Variants in RBFOX1 observed in about 807,000 individuals in gnomAD.
The protein encoded by RBFOX1 is RNA binding fox-1 homolog 1.
In RBFOX1, 8 loss-of-function variants were observed where a neutral mutation model predicts 57.7. That is an observed-to-expected ratio of 0.14 (90% CI 0.08 to 0.25). The LOEUF is 0.25. RBFOX1 is among the 10% of genes least tolerant of loss of function. RBFOX1 has a pLI of 1.00. For synonymous variants in RBFOX1, 326 were observed against 222.4 expected (o/e 1.47, Z -4.15); for missense variants, 611 against 548.5 (o/e 1.11, Z -1.14).
chr16:6,143,108 C>T (rs1414160706), intron 1 of RBFOX1, among the ~76,000 whole-genome samples: 1 of 152,292 alleles, frequency 6.6e-6, no homozygotes, highest in African/African-American at 2.4e-5. Context: ...CCAGTAAGCT[C>T]CACTTACTTC....
intron 3 of RBFOX1, among the ~76,000 whole-genome samples, chr16:5,646,845 G>C (rs1405751461): frequency 2.0e-5 from 3 of 152,050 alleles, no homozygotes; most frequent in African/African-American, 7.2e-5. Context: ...GTGTTAGCCA[G>C]GATGGTCTCA....
At chr16:6,166,690 C>G (rs1382131814) in intron 1 of RBFOX1, among the ~76,000 whole-genome samples, 1 of 152,112 alleles carries the variant, frequency 6.6e-6, no homozygotes, top group Non-Finnish European at 1.5e-5. Flanking sequence ...TATCATAAGC[C>G]CACTTTCACA....
chr16:5,580,279 C>T (rs865804294), intron 2 of RBFOX1, among the ~76,000 whole-genome samples: 5 of 152,160 alleles, frequency 3.3e-5, no homozygotes, highest in Admixed American at 2.0e-4. Flanking sequence ...CTGGGAGCGC[C>T]GGCTGATTGG....
chr16:6,072,773 A>G (rs1044839508), intron 1 of RBFOX1, among the ~76,000 whole-genome samples: 7 of 151,848 alleles, frequency 4.6e-5, no homozygotes, highest in South Asian at 4.2e-4. Context: ...AGTGTTCTTA[A>G]CCACCTCCAT....
chr16:6,050,106 A>G (rs2095537577), intron 1 of RBFOX1, among the ~76,000 whole-genome samples: 1 of 151,908 alleles, frequency 6.6e-6, no homozygotes, highest in Non-Finnish European at 1.5e-5. Flanking sequence ...CTGCAGGTGT[A>G]TGCCACGACG....
At chr16:6,795,347 T>C (rs115590429) in intron 3 of RBFOX1, among the ~76,000 whole-genome samples, 1,614 of 152,228 alleles carry the variant, frequency 0.011, 27 homozygotes, top group African/African-American at 0.037. Context: ...TGATGTGCTA[T>C]TGCATTTCAC....
chr16:5,983,166 C>G (rs935850731), intron 4 of RBFOX1, among the ~76,000 whole-genome samples: 1 of 152,192 alleles, frequency 6.6e-6, no homozygotes, highest in African/African-American at 2.4e-5. Context: ...CCCCCATTAC[C>G]CCAGATGCCT....
chr16:7,305,872 A>G (rs1225426236), intron 4 of RBFOX1, among the ~76,000 whole-genome samples: 2 of 152,174 alleles, frequency 1.3e-5, no homozygotes, highest in African/African-American at 4.8e-5. Flanking sequence ...GAGTATTGAT[A>G]ACATATTATA....
In RBFOX1 at chr16:7,537,601, G is replaced by A. The variant is rs369376369; in HGVS notation, c.270+19212G>A. 5.3e-5 allele frequency among the ~76,000 whole-genome samples: 8 copies of A among 152,304 alleles called. No homozygotes were observed. The East Asian group carries it at 5.8e-4, about 11-fold the overall frequency. The stretch of plus-strand genomic sequence containing the variant: ...CCACTGAGCTGGGGGTGAAGACATC[G>A]TAAAAAGATCTACCTGGTTCTATGA... On this transcript the variant is annotated intron_variant, in intron 5 of 15. Coordinates refer to ENST00000550418, the MANE Select transcript of RBFOX1 (RefSeq NM_018723.4).
intron 3 of RBFOX1, among the ~76,000 whole-genome samples, chr16:6,788,522 C>T (rs1048004765): frequency 1.3e-5 from 2 of 151,836 alleles, no homozygotes; most frequent in African/African-American, 4.8e-5. Context: ...GTCGCCCACG[C>T]TGGAGTGCAG....
chr16:6,842,997 G>C (rs1028820306), intron 3 of RBFOX1, among the ~76,000 whole-genome samples: 1 of 152,120 alleles, frequency 6.6e-6, no homozygotes, highest in African/African-American at 2.4e-5. Context: ...CAAAGGATAT[G>C]ATCTCATTCT....
chr16:7,163,861 T>C (rs1001002507), intron 4 of RBFOX1, among the ~76,000 whole-genome samples: 2 of 152,142 alleles, frequency 1.3e-5, no homozygotes, highest in Non-Finnish European at 2.9e-5. Flanking sequence ...AGTTTTACCA[T>C]GTTGGCCAGG....
intron 3 of RBFOX1, among the ~76,000 whole-genome samples, chr16:6,855,752 G>A (rs1242009617): frequency 6.6e-6 from 1 of 151,542 alleles, no homozygotes; most frequent in Non-Finnish European, 1.5e-5. Context: ...TAATTGCGCA[G>A]CCCTTGGAAG....
At chr16:7,282,535 C>A (rs1379861948) in intron 4 of RBFOX1, among the ~76,000 whole-genome samples, 2 of 151,970 alleles carry the variant, frequency 1.3e-5, no homozygotes, top group African/African-American at 2.4e-5. Context: ...GAGCCTTCTG[C>A]TCTCTGTTCT....
intron 3 of RBFOX1, among the ~76,000 whole-genome samples, chr16:6,819,011 T>C (rs1410182821): frequency 1.2e-4 from 19 of 152,020 alleles, no homozygotes; most frequent in Admixed American, 1.2e-3. Flanking sequence ...CAGAGGAAAA[T>C]AAAGGTAAGT....
At chr16:7,109,593 C>G (rs1162984062) in intron 4 of RBFOX1, among the ~76,000 whole-genome samples, 1 of 152,018 alleles carries the variant, frequency 6.6e-6, no homozygotes, top group African/African-American at 2.4e-5. Flanking sequence ...TTTGCACAAC[C>G]CAGGGATCAC....
rs1235149522 is a variant in RBFOX1 at position 6,019,960 on chromosome 16, C to T, written c.-159C>T. On this transcript the variant is annotated 5_prime_UTR_variant, in exon 1 of 16. It adds an upstream start codon to the 5' untranslated region. Transcript: ENST00000550418. This position sits in a 1 kb window ranked among gnomAD's most constrained non-coding sequence, Gnocchi z 4.2. ...GAATTCGGGGGTCTGGGGCCGAGAA[C>T]GTGACCGCAGCCGGGCTCGCCGGGA... is the stretch of plus-strand genomic sequence containing the variant. The T allele has an allele frequency of 3.3e-6, 5 of 1,531,790 alleles. No homozygotes were observed. The highest frequency in any genetic ancestry group is 2.5e-5 in the East Asian group (1 of 40,732). The allele number at this position is 1,531,790 out of a possible 1,614,324, so 94.9% of individuals were successfully genotyped here.
intron 3 of RBFOX1, among the ~76,000 whole-genome samples, chr16:6,963,179 A>C (rs909805357): frequency 6.6e-6 from 1 of 151,430 alleles, no homozygotes; most frequent in Non-Finnish European, 1.5e-5. Flanking sequence ...TAGCACTGCT[A>C]TTTTTTTTCG....
chr16:7,448,070 G>A (rs1215263163), intron 4 of RBFOX1, among the ~76,000 whole-genome samples: 1 of 152,160 alleles, frequency 6.6e-6, no homozygotes, highest in Non-Finnish European at 1.5e-5. Flanking sequence ...TAATCTAAGG[G>A]CCACTGAAAG....
Sources: allele counts gnomAD v4.1 joint callset (sites outside exome capture counted in the v4.1 genomes callset), GRCh38; gene constraint gnomAD v4.1.1; non-coding constraint Gnocchi (gnomAD v3.1); transcripts MANE v1.5; gene names NCBI Gene and HGNC (gene_info 2026-07-23, HGNC 2026-07-21).